The following PPP1R12A variants were observed in gnomAD, a reference collection of about 807,000 sequenced individuals.
PPP1R12A encodes the protein protein phosphatase 1 regulatory subunit 12A.
PPP1R12A carries 19 observed loss-of-function variants against 139.6 expected under a neutral mutation model. The observed-to-expected ratio is 0.14, with a 90% CI of 0.09 to 0.20. PPP1R12A has a LOEUF of 0.20. Among genes scored for constraint, PPP1R12A ranks in the 10% least tolerant of loss-of-function variants. PPP1R12A has a pLI of 1.00. For synonymous variants in PPP1R12A, 427 were observed against 420.6 expected (o/e 1.02, Z -0.19); for missense variants, 925 against 1,211.5 (o/e 0.76, Z 3.51).
chr12:79,830,797 G>A (rs1877325610), intron 4 of PPP1R12A, among the ~76,000 whole-genome samples: 1 of 152,170 alleles, frequency 6.6e-6, no homozygotes, highest in African/African-American at 2.4e-5. Flanking sequence ...AAAGCATCCA[G>A]ACAGAAACAA....
chr12:79,913,150 T>C (rs1204031576), intron 1 of PPP1R12A, among the ~76,000 whole-genome samples: 2 of 152,246 alleles, frequency 1.3e-5, no homozygotes, highest in African/African-American at 4.8e-5. Context: ...AATATTTTCT[T>C]TTGTGATGCA....
intron 3 of PPP1R12A, among the ~76,000 whole-genome samples, chr12:79,835,794 C>A (rs139745957): frequency 1.3e-5 from 2 of 152,302 alleles, no homozygotes; most frequent in Non-Finnish European, 2.9e-5. Flanking sequence ...CCCTTACCAT[C>A]ATCTAGTGTT....
intron 1 of PPP1R12A, among the ~76,000 whole-genome samples, chr12:79,913,424 G>A (rs538407511): frequency 2.0e-5 from 3 of 152,278 alleles, no homozygotes; most frequent in Admixed American, 2.0e-4. Flanking sequence ...CATATAGACA[G>A]GTTGACAAGA....
intron 5 of PPP1R12A, among the ~76,000 whole-genome samples, chr12:79,826,792 C>A (rs867219910): frequency 6.6e-6 from 1 of 152,106 alleles, no homozygotes; most frequent in Non-Finnish European, 1.5e-5. Context: ...GGGAAACACA[C>A]CATGTTTCAA....
At position 79,806,349 on chromosome 12, in the gene PPP1R12A, A is replaced by C. The variant is rs764785620; in HGVS notation, c.1656-16T>G. On this transcript the variant is annotated splice_polypyrimidine_tract_variant and intron_variant, in intron 12 of 24. Coordinates refer to ENST00000450142, the MANE Select transcript of PPP1R12A (RefSeq NM_002480.3). ...AAAGGAGCAACTAAACAAAAGAGTC[A>C]TATCTATATAGGATGTGTTTGTATG... 2 of 1,604,540 alleles carry C rather than the reference A, an allele frequency of 1.2e-6. No individual in the cohort carries two copies. Among genetic ancestry groups the C allele is most frequent in the Non-Finnish European group, 1.7e-6 (2 of 1,171,742 alleles).
rs118151667 is a variant in PPP1R12A at position 79,791,677 on chromosome 12, A to G, written c.2650-1194T>C. 4.9e-3 allele frequency among the ~76,000 whole-genome samples: 753 copies of G among 152,316 alleles called. 3 individuals are homozygous for G. Among genetic ancestry groups the G allele is most frequent in the Non-Finnish European group, 8.2e-3 (558 of 68,024 alleles). The stretch of plus-strand genomic sequence containing the variant: ...AATTGTGGTAAAAACCACGTAATAT[A>G]AAATTTACCATGTAAACCATTTTTT... On this transcript the variant is annotated intron_variant, in intron 19 of 24. Coordinates refer to ENST00000450142, the MANE Select transcript of PPP1R12A (RefSeq NM_002480.3).
At chr12:79,898,573 C>T (rs1885343478) in intron 1 of PPP1R12A, among the ~76,000 whole-genome samples, 1 of 152,128 alleles carries the variant, frequency 6.6e-6, no homozygotes, top group African/African-American at 2.4e-5. Context: ...TTTCACACTC[C>T]TCATCTTCCT....
chr12:79,935,113 G>A, upstream of PPP1R12A: 1 of 1,363,850 alleles, frequency 7.3e-7, no homozygotes, highest in Non-Finnish European at 9.4e-7. Context: ...GGCGCACCCG[G>A]CCGAGCGGAC....
At chr12:79,881,279 T>C (rs1336252859) in intron 1 of PPP1R12A, among the ~76,000 whole-genome samples, 1 of 152,208 alleles carries the variant, frequency 6.6e-6, no homozygotes, top group Non-Finnish European at 1.5e-5. Flanking sequence ...GCTAGGCCTC[T>C]TGTGCCAAAC....
chr12:79,840,631 C>T (rs902082595), intron 3 of PPP1R12A, among the ~76,000 whole-genome samples: 1 of 152,156 alleles, frequency 6.6e-6, no homozygotes, highest in African/African-American at 2.4e-5. Flanking sequence ...TTCATATCTG[C>T]ATTCAATTCT....
At chr12:79,822,811 ATTTT>A (rs34115550) in intron 5 of PPP1R12A, among the ~76,000 whole-genome samples, 1 of 129,896 alleles carries the variant, frequency 7.7e-6, no homozygotes, top group Middle Eastern at 3.8e-3. Flanking sequence ...GGACATCTGC[ATTTT>A]TTTTTTTTTT....
chr12:79,866,678 C>G (rs1413008738), intron 2 of PPP1R12A, among the ~76,000 whole-genome samples: 3 of 152,162 alleles, frequency 2.0e-5, no homozygotes, highest in African/African-American at 7.2e-5. Context: ...AGCCACTTCT[C>G]AAAAGAAGAC....
rs544195915 is a variant in PPP1R12A, at chr12:79,775,664, A to G, written c.*265T>C. On this transcript the variant is annotated 3_prime_UTR_variant, in exon 25 of 25. Coordinates refer to ENST00000450142, the MANE Select transcript of PPP1R12A (RefSeq NM_002480.3). Reference sequence around the variant, plus strand: ...GAGCTGTAAACAAGTTTTCTCAGTCATTAAAAAAAAATCTTCTCAGCAGCT... The same window carrying G: ...GAGCTGTAAACAAGTTTTCTCAGTCGTTAAAAAAAAATCTTCTCAGCAGCT... The G allele has an allele frequency of 7.8e-6, 2 of 255,106 alleles. No homozygotes were observed. Among genetic ancestry groups the G allele is most frequent in the South Asian group, 2.0e-4 (2 of 10,140 alleles). The allele number at this position is 255,106 out of a possible 1,614,324, so 15.8% of individuals were successfully genotyped here.
chr12:79,865,204 C>A (rs1282321588), intron 2 of PPP1R12A, among the ~76,000 whole-genome samples: 5 of 152,144 alleles, frequency 3.3e-5, no homozygotes, highest in African/African-American at 1.2e-4. Flanking sequence ...ATAAACAGAA[C>A]CAACAACAAA....
chr12:79,899,862 G>A (rs1319859783), intron 1 of PPP1R12A, among the ~76,000 whole-genome samples: 1 of 152,036 alleles, frequency 6.6e-6, no homozygotes, highest in Non-Finnish European at 1.5e-5. Context: ...ATCATCGCAG[G>A]CATTTCATGA....
At chr12:79,905,004 A>T (rs912395422) in intron 1 of PPP1R12A, among the ~76,000 whole-genome samples, 1 of 152,226 alleles carries the variant, frequency 6.6e-6, no homozygotes, top group African/African-American at 2.4e-5. Flanking sequence ...TCGTGTCTGA[A>T]AATCTATTTT....
At chr12:79,867,323 T>TG (rs1882080993) in intron 2 of PPP1R12A, among the ~76,000 whole-genome samples, 1 of 149,244 alleles carries the variant, frequency 6.7e-6, no homozygotes, top group South Asian at 2.1e-4. Flanking sequence ...CTGTGGGGGG[T>TG]GGGGGGTCAG....
intron 19 of PPP1R12A, among the ~76,000 whole-genome samples, chr12:79,791,051 C>T (rs901121668): frequency 1.3e-5 from 2 of 152,100 alleles, no homozygotes; most frequent in Non-Finnish European, 2.9e-5. Flanking sequence ...TTTAACTTTG[C>T]TCCTTACATT....
chr12:79,832,260 A>G, intron 4 of PPP1R12A, 72 bp downstream of exon 4: 1 of 1,395,960 alleles, frequency 7.2e-7, no homozygotes, highest in Non-Finnish European at 9.6e-7. Flanking sequence ...GTTTGCAGGT[A>G]TTTTAAGAAA....
Sources: gnomAD v4.1 joint callset for allele counts (sites outside exome capture counted in the v4.1 genomes callset) on GRCh38, gnomAD v4.1.1 for gene constraint, MANE v1.5 for transcripts, NCBI Gene and HGNC (gene_info 2026-07-23, HGNC 2026-07-21) for gene names.